The following GAL3ST4 variants were observed in gnomAD, a reference collection of about 807,000 sequenced individuals.
GAL3ST4 encodes the protein beta-galactose-3-O-sulfotransferase 4.
A neutral mutation model predicts 31.6 loss-of-function variants in GAL3ST4; 30 were observed. The observed-to-expected ratio is 0.95, with a 90% CI of 0.71 to 1.29. The LOEUF (loss-of-function observed/expected upper bound fraction) is 1.29. Ranked by LOEUF, GAL3ST4 falls within the 50% of genes most tolerant of loss-of-function variation. GAL3ST4 has a pLI of 0.00. For missense variants in GAL3ST4, 629 were observed against 625.2 expected (o/e 1.01, Z -0.06); for synonymous variants, 248 against 256.9 (o/e 0.97, Z 0.33).
chr7:100,160,279 A>G lies in GAL3ST4; in HGVS notation c.1110T>C (p.Tyr370=). Reference sequence around the variant, plus strand: ...CCCAGAGACTGCGGTTGAAGTGGACATAGAGAGCCCAGTCCAGGTTGTTCC... The same window carrying G: ...CCCAGAGACTGCGGTTGAAGTGGACGTAGAGAGCCCAGTCCAGGTTGTTCC... ...RAWNNLDWAL[Y]VHFNRSLWAR... The change falls in exon 4 of 4, where the codon TAT becomes TAC. Residue 370 remains tyrosine, a synonymous_variant. Coordinates refer to ENST00000360039, the MANE Select transcript of GAL3ST4 (RefSeq NM_024637.5). 3 of 1,613,982 alleles carry G rather than the reference A, an allele frequency of 1.9e-6. No individual in the cohort carries two copies. Among genetic ancestry groups the G allele is most frequent in the Non-Finnish European group, 2.5e-6 (3 of 1,179,968 alleles).
Position 100,167,083 on chromosome 7 carries a change from A to G in GAL3ST4, c.13T>C (p.Ser5Pro), listed in dbSNP as rs748528778. Reference protein sequence around the residue: MGPLSPARTLRLWGP... With the variant: MGPLPPARTLRLWGP... ...CAGAGCCGCAGCGTCCTGGCAGGAGAGAGAGGGCCCATGTGGCACAGGGAA... is the reference window on the plus strand; with the variant it reads ...CAGAGCCGCAGCGTCCTGGCAGGAGGGAGAGGGCCCATGTGGCACAGGGAA... Residue 5 changes from serine (S) to proline (P), a missense_variant, in exon 2 of 4, where the codon TCT (serine) becomes CCT (proline). Ser to Pro is a moderately conservative substitution (Grantham distance 74, BLOSUM62 -1). Transcript: ENST00000360039. The G allele has an allele frequency of 6.4e-7, 1 of 1,554,774 alleles. No individual in the cohort carries two copies. Among genetic ancestry groups the G allele is most frequent in the South Asian group, 1.2e-5 (1 of 84,244 alleles).
chr7:100,162,598 AGGAGGGGAGGGGAGG>A (rs1255766992), intron 3 of GAL3ST4, among the ~76,000 whole-genome samples: 1 of 71,630 alleles, frequency 1.4e-5, no homozygotes, highest in Non-Finnish European at 2.6e-5. Flanking sequence ...GGAAGGGAAG[AGGAGGGGAGGGGAGG>A]GGAGGGGAGG....
chr7:100,164,556 T>C (rs1487132016), intron 3 of GAL3ST4, among the ~76,000 whole-genome samples: 1 of 152,010 alleles, frequency 6.6e-6, no homozygotes, highest in Non-Finnish European at 1.5e-5. Context: ...TCCCAGCTAC[T>C]TGGGAGGCAT....
intron 3 of GAL3ST4, 113 bp downstream of exon 3, chr7:100,166,389 A>G: frequency 8.5e-7 from 1 of 1,174,500 alleles, no homozygotes; most frequent in Non-Finnish European, 1.2e-6. Context: ...CCTATGTCCA[A>G]CTTTAGGGTG....
In GAL3ST4 at chr7:100,166,795, G is replaced by T. The variant is rs765787840; in HGVS notation, c.136C>A (p.Leu46Ile). Residue 46 changes from leucine (L) to isoleucine (I), a missense_variant, in exon 3 of 4, where the codon CTA becomes ATA. Coordinates refer to ENST00000360039, the MANE Select transcript of GAL3ST4 (RefSeq NM_024637.5). The stretch of plus-strand genomic sequence containing the variant: ...GGGGCCGAGGGCTGTCGGAGCTGTA[G>T]CCCAGGTAGCCTGGGAAGAGATGGA... ...GGPFQRRLPG[L>I]QLRQPSAPSL... 7.5e-6 allele frequency: 12 copies of T among 1,603,914 alleles called. No individual in the cohort carries two copies. Among genetic ancestry groups the T allele is most frequent in the Non-Finnish European group, 1.0e-5 (12 of 1,175,272 alleles).
Position 100,160,198 on chromosome 7 carries a change from C to T in GAL3ST4, c.1191G>A (p.Arg397=), listed in dbSNP as rs1798974540. 1 of 1,614,004 alleles carries T rather than the reference C, an allele frequency of 6.2e-7. No homozygotes were observed. Among genetic ancestry groups the T allele is most frequent in the African/African-American group, 1.3e-5 (1 of 74,922 alleles). The change falls in exon 4 of 4, where the codon CGG becomes CGA. Residue 397 remains arginine (R), a synonymous_variant. Transcript: ENST00000360039. ...GTTTCGCTAGGGCCTCTCGGCGAGC[C>T]CGGAGCTCGGCCACAGCTGTCTGCA... ...GRLQTAVAEL[R]ARREALAKHC...
In GAL3ST4 at chr7:100,164,526, G is replaced by A. The variant is rs188556062; in HGVS notation, c.429+1976C>T. Among the ~76,000 whole-genome samples, 552 of 152,148 alleles carry A rather than the reference G, an allele frequency of 3.6e-3. 2 individuals are homozygous for A. Among genetic ancestry groups the A allele is most frequent in the African/African-American group, 0.012 (489 of 41,516 alleles). ...CTAAAAGTACAAAAATTAGCTAGGC[G>A]TGGTGGCGGGTGCCTGTAGTCCCAG... On this transcript the variant is annotated intron_variant, in intron 3 of 3. Coordinates refer to ENST00000360039, the MANE Select transcript of GAL3ST4 (RefSeq NM_024637.5).
intron 3 of GAL3ST4, 48 bp downstream of exon 3, chr7:100,166,454 C>G: frequency 6.4e-7 from 1 of 1,559,308 alleles, no homozygotes; most frequent in Non-Finnish European, 8.7e-7. Flanking sequence ...TGGTGTCAGC[C>G]TGAGCCCATC....
rs775304340 is a variant in GAL3ST4, at chr7:100,160,309, T to G, written c.1080A>C (p.Arg360=). ...AEDRQLTARA[R]AWNNLDWALY... ...GAGCCCAGTCCAGGTTGTTCCAGGC[T>G]CGGGCCCGTGCAGTCAGCTGCCGGT... The change falls in exon 4 of 4, where the codon CGA becomes CGC. Residue 360 remains arginine (R), a synonymous_variant. Coordinates refer to ENST00000360039, the MANE Select transcript of GAL3ST4 (RefSeq NM_024637.5). 1 of 1,613,796 alleles carries G rather than the reference T, an allele frequency of 6.2e-7. No individual in the cohort carries two copies. Among genetic ancestry groups the G allele is most frequent in the Non-Finnish European group, 8.5e-7 (1 of 1,179,898 alleles).
At chr7:100,163,597 A>G (rs950409421) in intron 3 of GAL3ST4, among the ~76,000 whole-genome samples, 3 of 151,558 alleles carry the variant, frequency 2.0e-5, no homozygotes, top group African/African-American at 7.3e-5. Context: ...TAGGCAGCAT[A>G]TCATAGCTCA....
chr7:100,168,005 G>GACAC lies in GAL3ST4; in HGVS notation c.-189+537_-189+540dup, dbSNP rs57521505. The GACAC allele has an allele frequency of 8.1e-3, 1,181 of 145,694 alleles. 18 individuals carry two copies. Among genetic ancestry groups the GACAC allele is most frequent in the African/African-American group, 0.021 (828 of 38,630 alleles). The allele number at this position is 145,694 out of a possible 1,614,324, so 9.0% of individuals were successfully genotyped here. Reference sequence around the variant, plus strand: ...GGAGAGGGAGACAGAAAGAGAGAGAGACACACACACACACACACACACACA... The same window carrying GACAC: ...GGAGAGGGAGACAGAAAGAGAGAGAGACACACACACACACACACACACACACACA... On this transcript the variant is annotated intron_variant, in intron 1 of 3. Coordinates refer to ENST00000360039, the MANE Select transcript of GAL3ST4 (RefSeq NM_024637.5). This position sits in a 1 kb window ranked among gnomAD's most constrained non-coding sequence, Gnocchi z 4.1.
At chr7:100,165,300 A>G (rs1204044100) in intron 3 of GAL3ST4, among the ~76,000 whole-genome samples, 2 of 151,902 alleles carry the variant, frequency 1.3e-5, no homozygotes, top group African/African-American at 4.8e-5. Flanking sequence ...CCTCCCGAGT[A>G]GCTGGGATTA....
Position 100,164,519 on chromosome 7 carries a change from G to T in GAL3ST4, c.429+1983C>A, listed in dbSNP as rs983681877. ...GTCTCTACTAAAAGTACAAAAATTA[G>T]CTAGGCGTGGTGGCGGGTGCCTGTA... On this transcript the variant is annotated intron_variant, in intron 3 of 3. Transcript: ENST00000360039. Among the ~76,000 whole-genome samples the T allele has an allele frequency of 9.2e-5, 14 of 152,188 alleles. No individual in the cohort carries two copies. In the East Asian group the frequency reaches 2.5e-3, roughly 27 times the overall value.
Position 100,160,051 on chromosome 7 carries a change from T to C in GAL3ST4, c.1338A>G (p.Gln446=). The C allele has an allele frequency of 6.2e-7, 1 of 1,614,120 alleles. No homozygotes were observed. Among genetic ancestry groups the C allele is most frequent in the African/African-American group, 1.3e-5 (1 of 75,024 alleles). The change falls in exon 4 of 4, where the codon CAA becomes CAG. Residue 446 remains glutamine, a synonymous_variant. Coordinates refer to ENST00000360039, the MANE Select transcript of GAL3ST4 (RefSeq NM_024637.5). ...GYILRSGLSP[Q]DQEECERLAT... The stretch of plus-strand genomic sequence containing the variant: ...CTAGGCGCTCACATTCCTCTTGGTC[T>C]TGGGGGCTCAATCCACTCCGAAGTA...
rs1158247937 is a variant in GAL3ST4 at position 100,159,835 on chromosome 7, G to A, written c.*93C>T. The A allele has an allele frequency of 9.2e-7, 1 of 1,083,812 alleles. No homozygotes were observed. The highest frequency in any genetic ancestry group is 1.3e-6 in the Non-Finnish European group (1 of 740,946). 67.1% of individuals were successfully genotyped at this position (1,083,812 alleles called of 1,614,324 possible). ...ATCGGGACAAAGACTCATCCCTTCT[G>A]GGAGATGCAGAAATGGCATCTTGCT... On this transcript the variant is annotated 3_prime_UTR_variant, in exon 4 of 4. Coordinates refer to ENST00000360039, the MANE Select transcript of GAL3ST4 (RefSeq NM_024637.5).
rs1227221591 is a variant in GAL3ST4, at chr7:100,160,862, G to GAC, written c.526_527insGT (p.Ser176CysfsTer148). 8 of 1,614,210 alleles carry GAC rather than the reference G, an allele frequency of 5.0e-6. No individual in the cohort carries two copies. The South Asian group carries it at 8.8e-5, about 18-fold the overall frequency. On this transcript the variant is annotated frameshift_variant, in exon 4 of 4. Coordinates refer to ENST00000360039, the MANE Select transcript of GAL3ST4 (RefSeq NM_024637.5). LOFTEE classifies it low-confidence loss of function (END_TRUNC). ...AGATGGTGACTTGCGGAAGGCTGAT[G>GAC]AGGTGGATTTATAGTAGGAGAAGGC...
At position 100,168,472 on chromosome 7, in the gene GAL3ST4, A is replaced by C. The variant is rs553950210; in HGVS notation, c.-189+74T>G. ...CAGTTGCCCCCGCTGGGGTTCCATG[A>C]ACCCCTCATGTCTCCTCCCATAAAT... On this transcript the variant is annotated intron_variant, in intron 1 of 3. Transcript: ENST00000360039. This position sits in a 1 kb window ranked among gnomAD's most constrained non-coding sequence, Gnocchi z 4.1. The C allele has an allele frequency of 6.6e-6, 1 of 152,502 alleles. No homozygotes were observed. Among genetic ancestry groups the C allele is most frequent in the South Asian group, 2.1e-4 (1 of 4,812 alleles). 9.4% of individuals were successfully genotyped at this position (152,502 alleles called of 1,614,324 possible).
At chr7:100,162,511 C>T (rs1247403330) in intron 3 of GAL3ST4, among the ~76,000 whole-genome samples, 5 of 147,634 alleles carry the variant, frequency 3.4e-5, no homozygotes, top group Non-Finnish European at 7.5e-5. Context: ...CGCCACTGCA[C>T]TCCAGCCTGG....
intron 3 of GAL3ST4, among the ~76,000 whole-genome samples, chr7:100,163,766 C>T (rs1353837427): frequency 6.6e-6 from 1 of 152,036 alleles, no homozygotes; most frequent in African/African-American, 2.4e-5. Context: ...AACTCCTGGG[C>T]TCAAGTAATC....
Sources: allele counts gnomAD v4.1 joint callset (sites outside exome capture counted in the v4.1 genomes callset), GRCh38; gene constraint gnomAD v4.1.1; non-coding constraint Gnocchi (gnomAD v3.1); transcripts MANE v1.5; gene names NCBI Gene and HGNC (gene_info 2026-07-23, HGNC 2026-07-21).